JAK1: variants seen among roughly 807,000 people sequenced by gnomAD.
JAK1 encodes Janus kinase 1, also known as tyrosine-protein kinase JAK1.
Under a neutral mutation model 136.6 loss-of-function variants are expected in JAK1, and 16 were observed. The observed-to-expected ratio is 0.12, with a 90% CI of 0.08 to 0.18. The LOEUF (loss-of-function observed/expected upper bound fraction) is 0.18, where lower values mean the gene tolerates loss of function less well. Among genes scored for constraint, JAK1 ranks in the 10% least tolerant of loss-of-function variants. JAK1 has a pLI of 1.00. For missense variants in JAK1, 859 were observed against 1,450.1 expected (o/e 0.59, Z 6.62); for synonymous variants, 492 against 519.5 (o/e 0.95, Z 0.72).
chr1:64,974,825 T>G (rs1459224486), intron 2 of JAK1: 1 of 152,278 alleles, frequency 6.6e-6, no homozygotes, highest in Non-Finnish European at 1.5e-5. Flanking sequence ...TGAGCCAAAG[T>G]GGCCACGGCT....
chr1:64,950,181 G>T (rs1225808476), intron 1 of JAK1, among the ~76,000 whole-genome samples: 2 of 152,130 alleles, frequency 1.3e-5, no homozygotes, highest in Non-Finnish European at 2.9e-5. Flanking sequence ...GGGCCAAGGC[G>T]GGCGGATCAC....
intron 2 of JAK1, among the ~76,000 whole-genome samples, chr1:65,041,654 C>G (rs931939665): frequency 1.3e-5 from 2 of 152,184 alleles, no homozygotes; most frequent in African/African-American, 2.4e-5. Context: ...GTACTGAACT[C>G]TACTGTCTCC....
At chr1:64,982,083 A>AACACAC (rs5774736) in intron 2 of JAK1, among the ~76,000 whole-genome samples, 2 of 150,434 alleles carry the variant, frequency 1.3e-5, no homozygotes, top group East Asian at 1.9e-4. Flanking sequence ...TAAGTTAAAT[A>AACACAC]ACACACACAC....
intron 1 of JAK1, among the ~76,000 whole-genome samples, chr1:64,961,933 A>C (rs1320237402): frequency 6.6e-6 from 1 of 152,200 alleles, no homozygotes; most frequent in Non-Finnish European, 1.5e-5. Flanking sequence ...CTTAATAGGT[A>C]CCAAAGAGAT....
chr1:64,936,484 G>A (rs550711970), intron 1 of JAK1, among the ~76,000 whole-genome samples: 1 of 152,256 alleles, frequency 6.6e-6, no homozygotes, highest in Admixed American at 6.5e-5. Flanking sequence ...CATTCTTGGG[G>A]AAATCCAGTT....
At chr1:65,004,764 C>G (rs1011697427) in intron 2 of JAK1, among the ~76,000 whole-genome samples, 4 of 152,196 alleles carry the variant, frequency 2.6e-5, no homozygotes, top group Non-Finnish European at 5.9e-5. Flanking sequence ...CCAAGTACAA[C>G]TTCTTATCCA....
intron 2 of JAK1, among the ~76,000 whole-genome samples, chr1:65,010,451 A>G (rs1356511487): frequency 6.6e-6 from 1 of 152,156 alleles, no homozygotes; most frequent in African/African-American, 2.4e-5. Context: ...GCAAGAAACT[A>G]AAGCCTCCTG....
intron 2 of JAK1, among the ~76,000 whole-genome samples, chr1:65,035,616 T>C (rs1350387457): frequency 2.0e-5 from 3 of 152,042 alleles, no homozygotes; most frequent in African/African-American, 7.2e-5. Flanking sequence ...TGTATGAGAG[T>C]GTTCTCTAAA....
At chr1:64,926,474 CT>C (rs1032917630) in intron 1 of JAK1, among the ~76,000 whole-genome samples, 2 of 151,668 alleles carry the variant, frequency 1.3e-5, no homozygotes, top group African/African-American at 4.8e-5. Flanking sequence ...GCCCTTACCC[CT>C]GTCCTCCTTA....
Position 64,838,901 on chromosome 1 carries a change from T to C in JAK1, c.2843-312A>G, listed in dbSNP as rs141214430. On this transcript the variant is annotated intron_variant, in intron 20 of 24. Transcript: ENST00000342505. ...TGGCTCACGCTTGTAATCCCAGCACTTTGGGAGGCCGAGGCGGGCGGATCA... is the reference window on the plus strand; with the variant it reads ...TGGCTCACGCTTGTAATCCCAGCACCTTGGGAGGCCGAGGCGGGCGGATCA... Among the ~76,000 whole-genome samples, 1,415 of 152,038 alleles carry C rather than the reference T, an allele frequency of 9.3e-3. 26 individuals carry two copies. Among genetic ancestry groups the C allele is most frequent in the African/African-American group, 0.033 (1,355 of 41,448 alleles).
intron 2 of JAK1, among the ~76,000 whole-genome samples, chr1:64,999,694 C>A (rs1193374437): frequency 2.0e-5 from 3 of 150,504 alleles, no homozygotes; most frequent in Non-Finnish European, 3.0e-5. Context: ...ATGATCACAC[C>A]ATTGCACTCC....
intron 10 of JAK1, among the ~76,000 whole-genome samples, chr1:64,857,363 TG>T (rs1656005125): frequency 2.0e-5 from 3 of 152,144 alleles, no homozygotes; most frequent in African/African-American, 7.2e-5. Flanking sequence ...GTGTTGGGTG[TG>T]AATTGGTTTT....
intron 1 of JAK1, among the ~76,000 whole-genome samples, chr1:65,063,474 G>GA (rs1647898321): frequency 6.6e-6 from 1 of 152,152 alleles, no homozygotes; most frequent in African/African-American, 2.4e-5. Flanking sequence ...ACACAAACAT[G>GA]AAATAACAAT....
chr1:65,036,038 AG>A (rs1647069963), intron 2 of JAK1, among the ~76,000 whole-genome samples: 1 of 152,198 alleles, frequency 6.6e-6, no homozygotes, highest in African/African-American at 2.4e-5. Context: ...ACTGTACTCC[AG>A]CCTGGGTGAC....
intron 5 of JAK1, 48 bp from the exon 6 acceptor site, chr1:64,869,522 T>C (rs1423367256): frequency 6.5e-7 from 1 of 1,543,332 alleles, no homozygotes; most frequent in Non-Finnish European, 8.9e-7. Flanking sequence ...TTTTTGATCT[T>C]GACAAGAAGG....
chr1:64,857,631 G>T lies in JAK1; in HGVS notation c.1458+25C>A, dbSNP rs764407233. The T allele has an allele frequency of 1.7e-5, 27 of 1,613,212 alleles. No individual in the cohort carries two copies. In the Admixed American group the frequency reaches 4.3e-4, roughly 26 times the overall value. On this transcript the variant is annotated intron_variant, in intron 10 of 24. Transcript: ENST00000342505. ...TGGACACCTCATGGCTGTATGGCCT[G>T]GTCCAAGCCAGTGTCCTGACTGACC... is the stretch of plus-strand genomic sequence containing the variant.
chr1:64,880,573 C>A (rs1322448065), intron 3 of JAK1, among the ~76,000 whole-genome samples: 1 of 152,130 alleles, frequency 6.6e-6, no homozygotes, highest in Non-Finnish European at 1.5e-5. Context: ...ACAGAAAGAT[C>A]AAAGACATAT....
At chr1:65,052,793 GACACTCCAGCCTGGGCA>G (rs1161175328) in intron 1 of JAK1, among the ~76,000 whole-genome samples, 7 of 139,300 alleles carry the variant, frequency 5.0e-5, no homozygotes, top group East Asian at 2.1e-4. Context: ...CAGCCTGGGC[GACACTCCAGCCTGGGCA>G]ACACTCCAGT....
At chr1:64,837,248 C>G (rs998667664) in intron 22 of JAK1, among the ~76,000 whole-genome samples, 2 of 152,174 alleles carry the variant, frequency 1.3e-5, no homozygotes, top group Non-Finnish European at 2.9e-5. Context: ...GACCTTGATG[C>G]ATTTTCTTAA....
Sources: allele counts gnomAD v4.1 joint callset (sites outside exome capture counted in the v4.1 genomes callset), GRCh38; gene constraint gnomAD v4.1.1; transcripts MANE v1.5; gene names NCBI Gene and HGNC (gene_info 2026-07-23, HGNC 2026-07-21).